The following GRIK3 variants were observed in gnomAD, a reference collection of about 807,000 sequenced individuals.
The protein encoded by GRIK3 is glutamate ionotropic receptor kainate type subunit 3, also known as glutamate receptor ionotropic, kainate 3.
In GRIK3, 29 loss-of-function variants were observed where a neutral mutation model predicts 102.5. The ratio of observed to expected loss-of-function variants is 0.28; its 90% confidence interval spans 0.21 to 0.39. The LOEUF is 0.39. Ranked by LOEUF, GRIK3 falls within the 10% of genes least tolerant of loss-of-function variation. The pLI is 1.00. For missense variants in GRIK3, 908 were observed against 1,252.4 expected, an observed-to-expected ratio of 0.73 and a Z score of 4.15; for synonymous variants, 511 against 504.9, an observed-to-expected ratio of 1.01 and a Z score of -0.16.
chr1:36,851,292 G>A (rs1046664937), intron 8 of GRIK3, among the ~76,000 whole-genome samples: 5 of 152,238 alleles, frequency 3.3e-5, no homozygotes, highest in African/African-American at 7.2e-5. Flanking sequence ...CAAAGCCACC[G>A]GTTGGAGCTG....
intron 1 of GRIK3, among the ~76,000 whole-genome samples, chr1:36,928,629 G>C (rs1641555430): frequency 6.6e-6 from 1 of 152,224 alleles, no homozygotes; most frequent in South Asian, 2.1e-4. Context: ...TGGCAATAAA[G>C]GGCCAAATGG....
chr1:36,814,462 CA>C (rs755066717), intron 13 of GRIK3, among the ~76,000 whole-genome samples: 10 of 150,766 alleles, frequency 6.6e-5, no homozygotes, highest in Admixed American at 2.0e-4. Context: ...CACACACACC[CA>C]GAGACACATT....
intron 1 of GRIK3, among the ~76,000 whole-genome samples, chr1:37,031,717 T>C (rs1642830055): frequency 6.6e-6 from 1 of 152,062 alleles, no homozygotes; most frequent in Non-Finnish European, 1.5e-5. Context: ...ATGGGGGGGA[T>C]GGGAAAAGGG....
rs1640960929 is a variant in GRIK3 at position 36,880,572 on chromosome 1, T to G, written c.550+62A>C. On this transcript the variant is annotated intron_variant, in intron 3 of 15. Transcript: ENST00000373091. The surrounding 1 kb of genome is among the most constrained non-coding windows in gnomAD (Gnocchi z 5.4). ...TGTGCTGAACAAACAGACAAGAGCT[T>G]GATCCTGGGCCTCTGCCCCCCTCAA... The G allele has an allele frequency of 2.0e-6, 3 of 1,523,412 alleles. No homozygotes were observed. The highest frequency in any genetic ancestry group is 2.7e-6 in the Non-Finnish European group (3 of 1,103,390). The allele number at this position is 1,523,412 out of a possible 1,614,324, so 94.4% of individuals were successfully genotyped here.
chr1:36,945,851 T>C (rs551102), intron 1 of GRIK3, among the ~76,000 whole-genome samples: 10,626 of 152,204 alleles, frequency 0.07, 1,189 homozygotes, highest in African/African-American at 0.23. Flanking sequence ...TCCTACCACC[T>C]ATGCTGGACA....
chr1:36,888,367 G>A (rs1425583264), intron 2 of GRIK3, among the ~76,000 whole-genome samples: 1 of 152,234 alleles, frequency 6.6e-6, no homozygotes, highest in Non-Finnish European at 1.5e-5. Context: ...CAGAACGGTG[G>A]TGACCTTGGG....
At chr1:36,892,268 C>T (rs944007326) in intron 1 of GRIK3, among the ~76,000 whole-genome samples, 2 of 152,172 alleles carry the variant, frequency 1.3e-5, no homozygotes, top group Non-Finnish European at 1.5e-5. Context: ...AGCCACCTGC[C>T]TTGGCCTGCC....
intron 1 of GRIK3, among the ~76,000 whole-genome samples, chr1:36,936,716 G>C (rs1039405295): frequency 1.3e-5 from 2 of 152,158 alleles, no homozygotes; most frequent in African/African-American, 2.4e-5. Context: ...CATGAGGTCA[G>C]GGACTTTGTC....
At chr1:36,920,762 C>A (rs961470005) in intron 1 of GRIK3, among the ~76,000 whole-genome samples, 1 of 152,232 alleles carries the variant, frequency 6.6e-6, no homozygotes, top group African/African-American at 2.4e-5. Context: ...ACACCCACAC[C>A]TGAGTTTCAC....
At chr1:36,962,160 T>A (rs1372458355) in intron 1 of GRIK3, among the ~76,000 whole-genome samples, 1 of 152,190 alleles carries the variant, frequency 6.6e-6, no homozygotes, top group Non-Finnish European at 1.5e-5. Flanking sequence ...GCATGGCTTC[T>A]GCCCCTGGCC....
intron 1 of GRIK3, among the ~76,000 whole-genome samples, chr1:37,021,602 C>G (rs1448871781): frequency 6.6e-6 from 1 of 152,176 alleles, no homozygotes; most frequent in Non-Finnish European, 1.5e-5. Flanking sequence ...TGTTACGAGA[C>G]AAGTAAAATA....
chr1:36,826,690 A>G (rs1342911357), intron 10 of GRIK3, among the ~76,000 whole-genome samples: 4 of 151,926 alleles, frequency 2.6e-5, no homozygotes, highest in African/African-American at 4.8e-5. Context: ...TAAAAAAAAA[A>G]AAAAAGAAAA....
At chr1:36,859,677 T>G (rs1261971940) in intron 6 of GRIK3, among the ~76,000 whole-genome samples, 167 bp downstream of exon 6, 1 of 152,172 alleles carries the variant, frequency 6.6e-6, no homozygotes, top group Non-Finnish European at 1.5e-5. Flanking sequence ...GGAGGGACTG[T>G]CTGTTTCACG....
intron 1 of GRIK3, among the ~76,000 whole-genome samples, chr1:36,894,729 C>A (rs751086119): frequency 1.3e-5 from 2 of 152,164 alleles, no homozygotes; most frequent in Non-Finnish European, 2.9e-5. Flanking sequence ...GTGGATAAGT[C>A]TGAGAGACAA....
intron 2 of GRIK3, among the ~76,000 whole-genome samples, chr1:36,889,807 TAGAC>T (rs1570782065): frequency 1.3e-5 from 2 of 152,124 alleles, no homozygotes; most frequent in African/African-American, 4.8e-5. Context: ...TTAGCAAACA[TAGAC>T]AGAAAACCCA....
chr1:36,846,618 G>A (rs1640522454), intron 9 of GRIK3, among the ~76,000 whole-genome samples: 2 of 152,162 alleles, frequency 1.3e-5, no homozygotes, highest in Non-Finnish European at 1.5e-5. Context: ...AGCAGGAGGT[G>A]CTGGCCCTAC....
At chr1:36,964,266 G>C (rs546043231) in intron 1 of GRIK3, among the ~76,000 whole-genome samples, 9 of 152,332 alleles carry the variant, frequency 5.9e-5, no homozygotes, top group African/African-American at 2.2e-4. Context: ...CACCAGCTGA[G>C]GGTTCAGGAT....
chr1:36,998,930 A>G (rs993019781), intron 1 of GRIK3, among the ~76,000 whole-genome samples: 1 of 152,002 alleles, frequency 6.6e-6, no homozygotes, highest in East Asian at 1.9e-4. Flanking sequence ...TGCAGCTCCC[A>G]TAAGAGCCTC....
In GRIK3 at chr1:36,953,227, G is replaced by C. The variant is rs71640707; in HGVS notation, c.116-62131C>G. Among the ~76,000 whole-genome samples, 450 of 152,292 alleles carry C rather than the reference G, an allele frequency of 3.0e-3. 1 individual carries two copies. Among genetic ancestry groups the C allele is most frequent in the Non-Finnish European group, 4.4e-3 (302 of 68,018 alleles). On this transcript the variant is annotated intron_variant, in intron 1 of 15. Transcript: ENST00000373091. ...CTGCCTCATAGCACTTAGTCAGGAGGAGCTGCCCTTGGGCTCTGGCAAGTG... is the reference window on the plus strand; with the variant it reads ...CTGCCTCATAGCACTTAGTCAGGAGCAGCTGCCCTTGGGCTCTGGCAAGTG...
Sources: gnomAD v4.1 joint callset for allele counts (sites outside exome capture counted in the v4.1 genomes callset) on GRCh38, gnomAD v4.1.1 for gene constraint, Gnocchi (gnomAD v3.1) non-coding constraint, MANE v1.5 for transcripts, NCBI Gene and HGNC (gene_info 2026-07-23, HGNC 2026-07-21) for gene names.